The following TFAP2D variants were observed in gnomAD, a reference collection of about 807,000 sequenced individuals.
The protein encoded by TFAP2D is transcription factor AP-2-delta.
Under a neutral mutation model 43.6 loss-of-function variants are expected in TFAP2D, and 9 were observed. That is an observed-to-expected ratio of 0.21 (90% CI 0.12 to 0.36). The LOEUF (loss-of-function observed/expected upper bound fraction) is 0.36, where lower values mean the gene tolerates loss of function less well. Ranked by LOEUF, TFAP2D falls within the 10% of genes least tolerant of loss-of-function variation. The pLI, the probability that TFAP2D is intolerant of heterozygous loss-of-function variation, is 1.00. For missense variants in TFAP2D, 513 were observed against 561.4 expected (o/e 0.91, Z 0.87); for synonymous variants, 256 against 224.9 (o/e 1.14, Z -1.24).
chr6:50,731,734 G>A (rs1176283943), intron 5 of TFAP2D, among the ~76,000 whole-genome samples: 1 of 151,996 alleles, frequency 6.6e-6, no homozygotes, highest in Admixed American at 6.6e-5. Context: ...TGACTTCATT[G>A]TTGATGACTC....
At chr6:50,762,815 G>C (rs1769381696) in intron 7 of TFAP2D, among the ~76,000 whole-genome samples, 1 of 151,910 alleles carries the variant, frequency 6.6e-6, no homozygotes, top group African/African-American at 2.4e-5. Flanking sequence ...ATTAGTAATA[G>C]GAAAATGAAA....
At chr6:50,727,931 ATCGTCAAGTCC>A (rs1409511641) in intron 3 of TFAP2D, among the ~76,000 whole-genome samples, 4 of 152,094 alleles carry the variant, frequency 2.6e-5, no homozygotes, top group Non-Finnish European at 5.9e-5. Flanking sequence ...TCACCTTTGG[ATCGTCAAGTCC>A]TCTTCAGTTA....
intron 3 of TFAP2D, among the ~76,000 whole-genome samples, chr6:50,719,937 GT>G (rs1336531240): frequency 6.6e-6 from 1 of 152,180 alleles, no homozygotes; most frequent in Non-Finnish European, 1.5e-5. Context: ...TTGACAAAAG[GT>G]TTTGAACTAT....
Position 50,713,867 on chromosome 6 carries a change from C to T in TFAP2D, c.-189C>T. 1 of 793,890 alleles carries T rather than the reference C, an allele frequency of 1.3e-6. No homozygotes were observed. The highest frequency in any genetic ancestry group is 2.7e-5 in the East Asian group (1 of 36,786). 49.2% of individuals were successfully genotyped at this position (793,890 alleles called of 1,614,324 possible). On this transcript the variant is annotated 5_prime_UTR_variant, in exon 1 of 8. An upstream open reading frame in the 5' UTR gains an earlier in-frame stop. Transcript: ENST00000008391. ...GTGCAGAGGGAAAATTTTGTTCCTA[C>T]AGGTTTTTAAGTGGGTACGAGGCAA...
chr6:50,724,228 CA>C lies in TFAP2D; in HGVS notation c.599-4627del, dbSNP rs1768772783. Among the ~76,000 whole-genome samples, 10 of 151,928 alleles carry C rather than the reference CA, an allele frequency of 6.6e-5. No homozygotes were observed. The South Asian group carries it at 2.1e-3, about 32-fold the overall frequency. ...GGCGCACCTCGCAGAAATGCAACCGCAGAACAAACAGGGACAGGAAACTCTT... is the reference window on the plus strand; with the variant it reads ...GGCGCACCTCGCAGAAATGCAACCGCGAACAAACAGGGACAGGAAACTCTT... On this transcript the variant is annotated intron_variant, in intron 3 of 7. Coordinates refer to ENST00000008391, the MANE Select transcript of TFAP2D (RefSeq NM_172238.4).
Position 50,745,135 on chromosome 6 carries a change from T to G in TFAP2D, c.912T>G (p.Phe304Leu). 2 of 1,613,696 alleles carry G rather than the reference T, an allele frequency of 1.2e-6. No individual in the cohort carries two copies. The highest frequency in any genetic ancestry group is 3.3e-5 in the Admixed American group (2 of 59,914). ...AGGCTTTGCACTTGGCTCGGGATTT[T>G]GGCTACACTTGTGAAACAGAGTTTC... is the stretch of plus-strand genomic sequence containing the variant. ...EGEALHLARD[F>L]GYTCETEFPA... The change falls in exon 6 of 8, where the codon TTT becomes TTG. Residue 304 changes from phenylalanine to leucine, a missense_variant. By Grantham distance (22) the Phe-to-Leu change is conservative. This residue lies in a region of TFAP2D where 199 missense variants were observed against 227.9 expected (regional missense o/e 0.87). Transcript: ENST00000008391.
intron 3 of TFAP2D, among the ~76,000 whole-genome samples, chr6:50,726,701 GC>G (rs1768812198): frequency 6.6e-6 from 1 of 152,130 alleles, no homozygotes; most frequent in Non-Finnish European, 1.5e-5. Flanking sequence ...TACCTACCTT[GC>G]TTTCCTGTTC....
At chr6:50,762,380 C>A (rs1191554720) in intron 7 of TFAP2D, among the ~76,000 whole-genome samples, 2 of 152,012 alleles carry the variant, frequency 1.3e-5, no homozygotes, top group Non-Finnish European at 2.9e-5. Context: ...TATATGCATA[C>A]ACATACACAC....
chr6:50,736,165 G>C (rs767068672), intron 5 of TFAP2D, among the ~76,000 whole-genome samples: 2 of 152,118 alleles, frequency 1.3e-5, no homozygotes, highest in Non-Finnish European at 2.9e-5. Context: ...CCACCTTTGG[G>C]AGAAAGGTTT....
chr6:50,730,568 A>C (rs1006069397), intron 5 of TFAP2D, among the ~76,000 whole-genome samples: 1 of 152,142 alleles, frequency 6.6e-6, no homozygotes, highest in Admixed American at 6.6e-5. Context: ...TGCACATTTT[A>C]AGTAAAAATG....
chr6:50,739,063 G>A (rs559192852), intron 5 of TFAP2D, among the ~76,000 whole-genome samples: 4 of 152,222 alleles, frequency 2.6e-5, no homozygotes, highest in South Asian at 2.1e-4. Flanking sequence ...TAATTGATAC[G>A]GGGTGAAACA....
At chr6:50,744,902 T>A (rs559553241) in intron 5 of TFAP2D, among the ~76,000 whole-genome samples, 1 of 152,212 alleles carries the variant, frequency 6.6e-6, no homozygotes, top group Admixed American at 6.6e-5. Context: ...GCCTGCTAAG[T>A]CACTTCTCTG....
chr6:50,734,207 A>G (rs1358452833), intron 5 of TFAP2D, among the ~76,000 whole-genome samples: 1 of 151,986 alleles, frequency 6.6e-6, no homozygotes, highest in Non-Finnish European at 1.5e-5. Flanking sequence ...CATGTAAATT[A>G]GTTGTTTTGT....
chr6:50,731,750 T>C (rs1229606384), intron 5 of TFAP2D, among the ~76,000 whole-genome samples: 1 of 152,038 alleles, frequency 6.6e-6, no homozygotes, highest in Non-Finnish European at 1.5e-5. Context: ...GACTCTCTTT[T>C]ATATTTTTAT....
At chr6:50,729,704 C>T (rs564758930) in intron 5 of TFAP2D, among the ~76,000 whole-genome samples, 1 of 152,086 alleles carries the variant, frequency 6.6e-6, no homozygotes, top group Non-Finnish European at 1.5e-5. Context: ...AGAAATAACC[C>T]TTTATGAAGA....
At chr6:50,737,385 T>C (rs543092869) in intron 5 of TFAP2D, among the ~76,000 whole-genome samples, 3 of 152,344 alleles carry the variant, frequency 2.0e-5, no homozygotes, top group East Asian at 3.9e-4. Flanking sequence ...CCACGTTCCA[T>C]CTACAATAAA....
chr6:50,727,077 C>T (rs1410689709), intron 3 of TFAP2D, among the ~76,000 whole-genome samples: 1 of 152,184 alleles, frequency 6.6e-6, no homozygotes, highest in Non-Finnish European at 1.5e-5. Flanking sequence ...CAGGACCTAA[C>T]TTCTAGCCTG....
rs1481387275 is a variant in TFAP2D at position 50,732,120 on chromosome 6, T to G, written c.883+2808T>G. 2.0e-5 allele frequency among the ~76,000 whole-genome samples: 3 copies of G among 152,220 alleles called. No homozygotes were observed. The East Asian group carries it at 5.8e-4, about 29-fold the overall frequency. On this transcript the variant is annotated intron_variant, in intron 5 of 7. Transcript: ENST00000008391. ...AATATTTTTGCAAGAGCCAGAAACT[T>G]TTTAGACATTTTTATTTTCAAAAAT...
intron 7 of TFAP2D, among the ~76,000 whole-genome samples, chr6:50,760,133 T>A (rs1769342428): frequency 6.6e-6 from 1 of 152,058 alleles, no homozygotes; most frequent in Non-Finnish European, 1.5e-5. Flanking sequence ...AGCCACAGTT[T>A]CTAAAACTTG....
Sources: allele counts gnomAD v4.1 joint callset (sites outside exome capture counted in the v4.1 genomes callset), GRCh38; gene constraint gnomAD v4.1.1; regional missense constraint gnomAD v4.1.1; transcripts MANE v1.5; gene names NCBI Gene and HGNC (gene_info 2026-07-23, HGNC 2026-07-21).